The following TBC1D22A variants were observed in gnomAD, a reference collection of about 807,000 sequenced individuals.
The protein encoded by TBC1D22A is TBC1 domain family member 22A, also known as putative GTPase activator.
A neutral mutation model predicts 60.2 loss-of-function variants in TBC1D22A; 38 were observed. The observed-to-expected ratio is 0.63, with a 90% CI of 0.49 to 0.83. The LOEUF is 0.83. Ranked by LOEUF, TBC1D22A falls within the 40% of genes least tolerant of loss-of-function variation. The pLI, the probability that TBC1D22A is intolerant of heterozygous loss-of-function variation, is 0.00. For missense variants in TBC1D22A, 628 were observed against 701.0 expected (o/e 0.90, Z 1.18); for synonymous variants, 302 against 281.7 (o/e 1.07, Z -0.72).
At chr22:46,885,521 A>G (rs1275635288) in intron 5 of TBC1D22A, among the ~76,000 whole-genome samples, 1 of 152,202 alleles carries the variant, frequency 6.6e-6, no homozygotes, top group Non-Finnish European at 1.5e-5. Flanking sequence ...GCAAAGAAAA[A>G]GAAGTAATCT....
At chr22:47,112,439 C>T (rs926423002) in intron 12 of TBC1D22A, among the ~76,000 whole-genome samples, 1 of 152,198 alleles carries the variant, frequency 6.6e-6, no homozygotes, top group Non-Finnish European at 1.5e-5. Flanking sequence ...GATAAAGGGA[C>T]GGACCTAGGT....
At chr22:47,157,497 G>A (rs1212628853) in intron 12 of TBC1D22A, among the ~76,000 whole-genome samples, 1 of 152,218 alleles carries the variant, frequency 6.6e-6, no homozygotes, top group African/African-American at 2.4e-5. Context: ...CCTTGCCGCT[G>A]CACGGGCCAG....
intron 7 of TBC1D22A, among the ~76,000 whole-genome samples, 199 bp downstream of exon 7, chr22:46,895,045 A>T (rs1464334571): frequency 1.3e-5 from 2 of 152,242 alleles, no homozygotes; most frequent in Admixed American, 6.5e-5. Context: ...ACTGTATAAT[A>T]TTGACACACA....
chr22:47,115,629 G>A (rs896983110), intron 12 of TBC1D22A, among the ~76,000 whole-genome samples: 2 of 152,210 alleles, frequency 1.3e-5, no homozygotes, highest in Non-Finnish European at 2.9e-5. Context: ...GGCCCAGCAG[G>A]GGTGAGGCGA....
chr22:47,047,155 G>A (rs1488406610), intron 11 of TBC1D22A, among the ~76,000 whole-genome samples: 2 of 152,190 alleles, frequency 1.3e-5, no homozygotes, highest in Admixed American at 6.5e-5. Context: ...GTGTGGCGGA[G>A]GAGGGCTCGG....
chr22:47,085,480 A>C (rs2064643251), intron 11 of TBC1D22A, among the ~76,000 whole-genome samples: 1 of 152,066 alleles, frequency 6.6e-6, no homozygotes, highest in Admixed American at 6.6e-5. Flanking sequence ...CCATCTTAGC[A>C]TTTATTATTA....
chr22:46,847,330 C>T (rs953268981), intron 4 of TBC1D22A, among the ~76,000 whole-genome samples: 2 of 152,322 alleles, frequency 1.3e-5, no homozygotes, highest in East Asian at 3.9e-4. Flanking sequence ...TACACCTTTT[C>T]GGAGGAGCAG....
At chr22:46,913,739 T>C in intron 8 of TBC1D22A, 3 of 985,428 alleles carry the variant, frequency 3.0e-6, no homozygotes, top group South Asian at 9.4e-5. Context: ...GAATTGATAT[T>C]CCATGTTAAA....
chr22:46,953,744 C>G (rs534798249), intron 8 of TBC1D22A, among the ~76,000 whole-genome samples: 1 of 152,126 alleles, frequency 6.6e-6, no homozygotes, highest in Admixed American at 6.5e-5. Flanking sequence ...ATCTTTGGTC[C>G]ATGGCTTAGG....
At chr22:46,786,757 T>G (rs2084176018) in intron 1 of TBC1D22A, among the ~76,000 whole-genome samples, 1 of 152,174 alleles carries the variant, frequency 6.6e-6, no homozygotes, top group South Asian at 2.1e-4. Context: ...AGTGCCGTCA[T>G]AGGTCACTGT....
chr22:47,070,952 C>T (rs2063963497), intron 11 of TBC1D22A, among the ~76,000 whole-genome samples: 2 of 152,356 alleles, frequency 1.3e-5, no homozygotes, highest in East Asian at 1.9e-4. Context: ...CGGCGCTGTT[C>T]GTGTAAGTTG....
chr22:47,088,328 G>A (rs779849812), intron 11 of TBC1D22A, among the ~76,000 whole-genome samples: 8 of 152,036 alleles, frequency 5.3e-5, no homozygotes, highest in African/African-American at 7.2e-5. Flanking sequence ...ACATCTAGTC[G>A]TACAGAAAGC....
At position 46,828,858 on chromosome 22, in the gene TBC1D22A, G is replaced by A. The variant is rs74657749; in HGVS notation, c.637+31238G>A. Among the ~76,000 whole-genome samples, 290 of 152,260 alleles carry A rather than the reference G, an allele frequency of 1.9e-3. 3 individuals carry two copies. Among genetic ancestry groups the A allele is most frequent in the East Asian group, 0.013 (66 of 5,182 alleles). On this transcript the variant is annotated intron_variant, in intron 4 of 12. Coordinates refer to ENST00000337137, the MANE Select transcript of TBC1D22A (RefSeq NM_014346.5). ...ACAGATACACGCCCTCACGTTGAGC[G>A]CTCATTTCCTTTGTGCCTGGTGCTG...
chr22:47,019,677 G>A (rs1167373557), intron 10 of TBC1D22A, among the ~76,000 whole-genome samples: 1 of 151,950 alleles, frequency 6.6e-6, no homozygotes, highest in Non-Finnish European at 1.5e-5. Flanking sequence ...AGCAGTCGGG[G>A]GTGTGCAGGG....
intron 1 of TBC1D22A, among the ~76,000 whole-genome samples, chr22:46,787,314 C>T (rs2084200649): frequency 6.6e-6 from 1 of 152,132 alleles, no homozygotes; most frequent in Admixed American, 6.6e-5. Flanking sequence ...AAGGAAACAA[C>T]CAGACCAGCA....
chr22:47,058,326 C>T (rs1352310004), intron 11 of TBC1D22A, among the ~76,000 whole-genome samples: 2 of 152,122 alleles, frequency 1.3e-5, no homozygotes, highest in African/African-American at 2.4e-5. Flanking sequence ...GATCCTGTCC[C>T]TCTCCCTGCC....
At chr22:46,800,226 G>A (rs765880546) in intron 4 of TBC1D22A, among the ~76,000 whole-genome samples, 1 of 152,026 alleles carries the variant, frequency 6.6e-6, no homozygotes, top group Non-Finnish European at 1.5e-5. Flanking sequence ...TTCTTCAGGC[G>A]CCTGAACCTC....
chr22:46,940,675 G>A (rs919629143), intron 8 of TBC1D22A, among the ~76,000 whole-genome samples: 5 of 140,224 alleles, frequency 3.6e-5, no homozygotes, highest in Admixed American at 1.5e-4. Context: ...CATGGGGACC[G>A]GGGCACTAGA....
At chr22:46,982,558 G>A (rs551569994) in intron 9 of TBC1D22A, among the ~76,000 whole-genome samples, 8 of 152,136 alleles carry the variant, frequency 5.3e-5, no homozygotes, top group Non-Finnish European at 1.0e-4. Context: ...ATTTGGTGTT[G>A]GGGGAAAAGG....
Sources: allele counts gnomAD v4.1 joint callset (sites outside exome capture counted in the v4.1 genomes callset), GRCh38; gene constraint gnomAD v4.1.1; transcripts MANE v1.5; gene names NCBI Gene and HGNC (gene_info 2026-07-23, HGNC 2026-07-21).